Variants in PKIA observed in about 807,000 individuals in gnomAD.
PKIA encodes the protein PKI-alpha.
Under a neutral mutation model 7.6 loss-of-function variants are expected in PKIA, and 4 were observed. That is an observed-to-expected ratio of 0.52 (90% confidence interval 0.26 to 1.20). The LOEUF (loss-of-function observed/expected upper bound fraction) is 1.20, where lower values mean the gene tolerates loss of function less well. Among genes scored for constraint, PKIA ranks in the 50% most tolerant of loss-of-function variants. The probability of loss-of-function intolerance (pLI) is 0.13; values close to 1 mark genes in which losing one functional copy is unlikely to be tolerated. For missense variants in PKIA, 73 were observed against 86.2 expected, an observed-to-expected ratio of 0.85 and a Z score of 0.61; for synonymous variants, 21 against 30.7, an observed-to-expected ratio of 0.68 and a Z score of 1.04.
At chr8:78,592,538 T>C (rs1808127195) in intron 2 of PKIA, among the ~76,000 whole-genome samples, 2 of 152,198 alleles carry the variant, frequency 1.3e-5, no homozygotes, top group South Asian at 4.1e-4. Flanking sequence ...CTCTATTGTC[T>C]TTCATTCAAT....
At chr8:78,524,327 C>T (rs1256444411) in intron 1 of PKIA, among the ~76,000 whole-genome samples, 1 of 149,996 alleles carries the variant, frequency 6.7e-6, no homozygotes, top group African/African-American at 2.4e-5. Context: ...TCTGAAAAGA[C>T]TATTTTACCA....
intron 2 of PKIA, among the ~76,000 whole-genome samples, chr8:78,583,711 TG>T (rs1243783579): frequency 6.6e-6 from 1 of 152,078 alleles, no homozygotes; most frequent in East Asian, 1.9e-4. Context: ...GGACTGGAGT[TG>T]TCATACCTTA....
chr8:78,534,531 T>G (rs1806471127), intron 1 of PKIA: 1 of 152,108 alleles, frequency 6.6e-6, no homozygotes, highest in Non-Finnish European at 1.5e-5. Flanking sequence ...CTTGACTCAT[T>G]CATGCACCAT....
intron 1 of PKIA, among the ~76,000 whole-genome samples, chr8:78,545,687 G>A: frequency 6.6e-6 from 1 of 151,828 alleles, no homozygotes; most frequent in Non-Finnish European, 1.5e-5. Context: ...AAAGAGCTTG[G>A]GTTTTCTTGT....
intron 1 of PKIA, among the ~76,000 whole-genome samples, chr8:78,517,019 G>T (rs1809329339): frequency 6.6e-6 from 1 of 152,130 alleles, no homozygotes; most frequent in South Asian, 2.1e-4. Flanking sequence ...GTTCAGCTTG[G>T]GTTGAGCAGC....
chr8:78,533,617 AAGACTG>A (rs1477160695), intron 1 of PKIA, among the ~76,000 whole-genome samples: 3 of 152,088 alleles, frequency 2.0e-5, no homozygotes, highest in Non-Finnish European at 4.4e-5. Flanking sequence ...AGCACTTTAG[AAGACTG>A]AGATGGAGGA....
chr8:78,538,581 A>G (rs1345211638), intron 1 of PKIA, among the ~76,000 whole-genome samples: 3 of 152,026 alleles, frequency 2.0e-5, no homozygotes, highest in African/African-American at 7.2e-5. Flanking sequence ...ATACTAAGAA[A>G]AGTGTCAGGT....
intron 3 of PKIA, among the ~76,000 whole-genome samples, chr8:78,598,948 A>G (rs1808293475): frequency 6.6e-6 from 1 of 152,112 alleles, no homozygotes; most frequent in South Asian, 2.1e-4. Flanking sequence ...GATAGACTTC[A>G]ATTCTAAGAA....
At chr8:78,540,653 G>T (rs77947704) in intron 1 of PKIA, among the ~76,000 whole-genome samples, 6 of 151,992 alleles carry the variant, frequency 3.9e-5, no homozygotes, top group African/African-American at 1.4e-4. Flanking sequence ...AGGGACAGAG[G>T]GGGTGGGGCA....
At chr8:78,562,093 G>A (rs188959586) in intron 1 of PKIA, among the ~76,000 whole-genome samples, 36 of 152,156 alleles carry the variant, frequency 2.4e-4, no homozygotes, top group Non-Finnish European at 2.5e-4. Flanking sequence ...ACCTCTTATC[G>A]AGCCTCCAGT....
At chr8:78,589,125 A>T (rs1457954054) in intron 2 of PKIA, among the ~76,000 whole-genome samples, 1 of 152,056 alleles carries the variant, frequency 6.6e-6, no homozygotes, top group Non-Finnish European at 1.5e-5. Flanking sequence ...GGGCAAAAGG[A>T]CTCTTGAATA....
At position 78,551,874 on chromosome 8, in the gene PKIA, G is replaced by A. The variant is rs927866334; in HGVS notation, c.-156-20937G>A. On this transcript the variant is annotated intron_variant, in intron 1 of 3. Coordinates refer to ENST00000396418, the MANE Select transcript of PKIA (RefSeq NM_006823.4). ...TTGGTTTTATTATCACTGGAAAGACGTTTAAGGGAACAATCTTTCTGTGTT... is the reference window on the plus strand; with the variant it reads ...TTGGTTTTATTATCACTGGAAAGACATTTAAGGGAACAATCTTTCTGTGTT... Among the ~76,000 whole-genome samples, 12 of 152,082 alleles carry A rather than the reference G, an allele frequency of 7.9e-5. No individual in the cohort carries two copies. In the Middle Eastern group the frequency reaches 0.02, roughly 259 times the overall value.
At chr8:78,548,769 T>C (rs1346605074) in intron 1 of PKIA, among the ~76,000 whole-genome samples, 2 of 152,144 alleles carry the variant, frequency 1.3e-5, no homozygotes, top group African/African-American at 4.8e-5. Context: ...AAGAGAATAC[T>C]ATACTTTCCA....
At chr8:78,517,628 G>A (rs906437060) in intron 1 of PKIA, among the ~76,000 whole-genome samples, 1 of 152,162 alleles carries the variant, frequency 6.6e-6, no homozygotes, top group Admixed American at 6.5e-5. Flanking sequence ...CTAAGCCTCT[G>A]GTTGAGTATC....
rs1391709139 is a variant in PKIA at position 78,603,103 on chromosome 8, T to A, written c.*1282T>A. 1 of 152,498 alleles carries A rather than the reference T, an allele frequency of 6.6e-6. No individual in the cohort carries two copies. Among genetic ancestry groups the A allele is most frequent in the East Asian group, 1.9e-4 (1 of 5,184 alleles). 9.4% of individuals were successfully genotyped at this position (152,498 alleles called of 1,614,324 possible). A position where few individuals can be genotyped will look rare whatever the true frequency, so the allele number is the denominator to read the frequency against. The stretch of plus-strand genomic sequence containing the variant: ...CATTAATACTGTGTTTGATGGCCTC[T>A]GCTGTGTTTTAACATCGTGCTTCTT... On this transcript the variant is annotated 3_prime_UTR_variant, in exon 4 of 4. Transcript: ENST00000396418.
intron 1 of PKIA, among the ~76,000 whole-genome samples, chr8:78,561,107 G>A (rs1469165254): frequency 6.6e-6 from 1 of 152,162 alleles, no homozygotes; most frequent in African/African-American, 2.4e-5. Context: ...GCATCTGCTG[G>A]TAGATCTTTT....
chr8:78,594,143 C>T (rs1050747442), intron 2 of PKIA, among the ~76,000 whole-genome samples: 1 of 151,994 alleles, frequency 6.6e-6, no homozygotes, highest in Non-Finnish European at 1.5e-5. Flanking sequence ...CAAATCAAAC[C>T]TTTAGATCGC....
At chr8:78,574,404 CT>C (rs1352694682) in intron 2 of PKIA, among the ~76,000 whole-genome samples, 9 of 151,954 alleles carry the variant, frequency 5.9e-5, no homozygotes, top group Non-Finnish European at 2.9e-5. Context: ...GAATCACTAG[CT>C]GCTAAAATTG....
intron 1 of PKIA, among the ~76,000 whole-genome samples, chr8:78,566,101 C>G (rs1239854482): frequency 6.6e-6 from 1 of 151,958 alleles, no homozygotes; most frequent in Non-Finnish European, 1.5e-5. Flanking sequence ...GAAAGCCCAC[C>G]TTAGGAGAAC....
Sources: gnomAD v4.1 joint callset for allele counts (sites outside exome capture counted in the v4.1 genomes callset) on GRCh38, gnomAD v4.1.1 for gene constraint, MANE v1.5 for transcripts, NCBI Gene and HGNC (gene_info 2026-07-23, HGNC 2026-07-21) for gene names.